NFATC1: variants seen among roughly 807,000 people sequenced by gnomAD.
NFATC1 encodes the protein nuclear factor of activated T-cells, cytoplasmic 1.
Under a neutral mutation model 76.0 loss-of-function variants are expected in NFATC1, and 22 were observed. That is an observed-to-expected ratio of 0.29 (90% CI 0.21 to 0.41). The LOEUF is 0.41. Ranked by LOEUF, NFATC1 falls within the 10% of genes least tolerant of loss-of-function variation. The pLI, the probability that NFATC1 is intolerant of heterozygous loss-of-function variation, is 1.00. For synonymous variants in NFATC1, 704 were observed against 613.1 expected, an observed-to-expected ratio of 1.15 and a Z score of -2.19; for missense variants, 1,357 against 1,337.7, an observed-to-expected ratio of 1.01 and a Z score of -0.23.
intron 1 of NFATC1, 72 bp downstream of exon 1, chr18:79,396,423 C>T (rs969267135): frequency 1.2e-4 from 116 of 998,374 alleles, no homozygotes; most frequent in Non-Finnish European, 1.4e-4. Flanking sequence ...CCCGACCCCG[C>T]CCCCGTCGCC....
chr18:79,490,232 G>A (rs868162615), intron 9 of NFATC1, among the ~76,000 whole-genome samples: 2 of 152,184 alleles, frequency 1.3e-5, no homozygotes, highest in African/African-American at 2.4e-5. Flanking sequence ...TGGTGCAGGT[G>A]GGGTAGTGTC....
At chr18:79,520,531 T>TGG (rs771400789) in intron 9 of NFATC1, among the ~76,000 whole-genome samples, 3 of 141,602 alleles carry the variant, frequency 2.1e-5, no homozygotes, top group African/African-American at 8.0e-5. Flanking sequence ...ACTCTGTGTG[T>TGG]GGGGGGGGGA....
At chr18:79,481,179 T>C (rs1239522585) in intron 8 of NFATC1, among the ~76,000 whole-genome samples, 1 of 152,218 alleles carries the variant, frequency 6.6e-6, no homozygotes, top group African/African-American at 2.4e-5. Flanking sequence ...TGTCGTGGAC[T>C]CATCATTTCT....
chr18:79,527,488 G>C (rs187469829), intron 9 of NFATC1, 40 bp from the exon 10 acceptor site: 3 of 1,548,530 alleles, frequency 1.9e-6, no homozygotes, highest in Admixed American at 1.7e-5. Flanking sequence ...GATGTTTATG[G>C]TATTTCTCTA....
rs144894927 is a variant in NFATC1 at position 79,411,373 on chromosome 18, C to A, written c.1098C>A (p.Phe366Leu). 7 of 1,585,868 alleles carry A rather than the reference C, an allele frequency of 4.4e-6. No homozygotes were observed. The African/African-American group carries it at 9.5e-5, about 21-fold the overall frequency. The change falls in exon 2 of 10, where the codon TTC (phenylalanine) becomes TTA (leucine). Residue 366 changes from phenylalanine (F) to leucine (L), a missense_variant. Around this residue, in one of 3 missense-constraint regions of NFATC1, gnomAD observed 691 missense variants for 613.1 expected, o/e 1.13. Transcript: ENST00000427363. ...DLGSPPPPAD[F>L]APEDYSSFQH... ...GCAGCCCCCCGCCCCCGGCCGACTTCGCGCCCGAAGACTACTCCTCTTTCC... is the reference window on the plus strand; with the variant it reads ...GCAGCCCCCCGCCCCCGGCCGACTTAGCGCCCGAAGACTACTCCTCTTTCC...
At chr18:79,467,304 CGCGGGGTTGCCGTGTGGCCGCCGTGG>C in intron 7 of NFATC1, 120 bp from the exon 8 acceptor site, 1 of 725,558 alleles carries the variant, frequency 1.4e-6, no homozygotes, top group Admixed American at 2.8e-5. Flanking sequence ...GCCGTGGAAA[CGCGGGGTTGCCGTGTGGCCGCCGTGG>C]AAACGCGGGG....
intron 2 of NFATC1, among the ~76,000 whole-genome samples, chr18:79,430,452 G>A (rs956011771): frequency 5.3e-5 from 8 of 152,060 alleles, no homozygotes; most frequent in African/African-American, 1.4e-4. Flanking sequence ...GTGCAATTTC[G>A]GCTCACTGCA....
Position 79,529,306 on chromosome 18 carries a change from C to A in NFATC1, c.*1729C>A, listed in dbSNP as rs2090844113. 1 of 152,216 alleles carries A rather than the reference C, an allele frequency of 6.6e-6. No homozygotes were observed. Among genetic ancestry groups the A allele is most frequent in the Admixed American group, 6.5e-5 (1 of 15,280 alleles). 9.4% of individuals were successfully genotyped at this position (152,216 alleles called of 1,614,324 possible). A position where few individuals can be genotyped will look rare whatever the true frequency, so the allele number is the denominator to read the frequency against. ...TAGTTAGGAAATAGATCCAATAAAGCCGTATTTTTTTGCTGGACAGGCGTA... is the reference window on the plus strand; with the variant it reads ...TAGTTAGGAAATAGATCCAATAAAGACGTATTTTTTTGCTGGACAGGCGTA... On this transcript the variant is annotated 3_prime_UTR_variant, in exon 10 of 10. Coordinates refer to ENST00000427363, the MANE Select transcript of NFATC1 (RefSeq NM_001278669.2).
chr18:79,416,773 C>T (rs553926906), intron 2 of NFATC1, among the ~76,000 whole-genome samples: 12 of 152,362 alleles, frequency 7.9e-5, no homozygotes, highest in African/African-American at 2.4e-4. Flanking sequence ...CAGCCAGCCT[C>T]GAAGCCACGT....
chr18:79,521,200 A>C (rs1294661951), intron 9 of NFATC1, among the ~76,000 whole-genome samples: 10 of 59,876 alleles, frequency 1.7e-4, no homozygotes, highest in African/African-American at 2.7e-4. Flanking sequence ...TGGGGGCATC[A>C]GCTGATATGT....
At chr18:79,442,692 G>A (rs374667593) in intron 3 of NFATC1, among the ~76,000 whole-genome samples, 2 of 152,176 alleles carry the variant, frequency 1.3e-5, no homozygotes, top group African/African-American at 2.4e-5. Flanking sequence ...ACGTGCTCAC[G>A]CTGGGTCCCT....
chr18:79,520,971 G>T (rs2090533817), intron 9 of NFATC1, among the ~76,000 whole-genome samples: 1 of 103,408 alleles, frequency 9.7e-6, no homozygotes, highest in African/African-American at 3.8e-5. Context: ...GTGTGGGGGG[G>T]CATCCGCTGA....
chr18:79,401,003 C>CAGCTTTCA (rs1474736957), intron 1 of NFATC1, among the ~76,000 whole-genome samples: 2 of 120,400 alleles, frequency 1.7e-5, no homozygotes, highest in Admixed American at 8.6e-5. Context: ...CCCAAGCCTC[C>CAGCTTTCA]AGCTTTCAAG....
At chr18:79,458,806 G>T (rs554595060) in intron 6 of NFATC1, among the ~76,000 whole-genome samples, 17 of 152,260 alleles carry the variant, frequency 1.1e-4, no homozygotes, top group African/African-American at 3.9e-4. Context: ...CCGGCGGGAC[G>T]CGGCCCTGCG....
In NFATC1 at chr18:79,425,271, C is replaced by CTG. The variant is rs369671651; in HGVS notation, c.1227-8307_1227-8306insGT. 4.5e-3 allele frequency among the ~76,000 whole-genome samples: 499 copies of CTG among 111,582 alleles called. 20 individuals carry two copies. Among genetic ancestry groups the CTG allele is most frequent in the Middle Eastern group, 8.0e-3 (2 of 250 alleles). 73.2% of individuals were successfully genotyped at this position (111,582 alleles called of 152,430 possible). Reference sequence around the variant, plus strand: ...TCTGTTTCTCTCCCTGTCTCTGTCTCTCTCTCTGTCTGTCTTTCTTTCTTA... The same window carrying CTG: ...TCTGTTTCTCTCCCTGTCTCTGTCTCTGTCTCTCTGTCTGTCTTTCTTTCTTA... On this transcript the variant is annotated intron_variant, in intron 2 of 9. Transcript: ENST00000427363.
chr18:79,407,440 T>C (rs1286229998), intron 1 of NFATC1, among the ~76,000 whole-genome samples: 1 of 151,870 alleles, frequency 6.6e-6, no homozygotes, highest in East Asian at 1.9e-4. Context: ...AAAGACCTCC[T>C]TATTGATTTA....
At chr18:79,511,294 C>G (rs943813570) in intron 9 of NFATC1, among the ~76,000 whole-genome samples, 1 of 152,140 alleles carries the variant, frequency 6.6e-6, no homozygotes, top group Non-Finnish European at 1.5e-5. Flanking sequence ...GATTACAAGG[C>G]CCGACTCTGC....
In NFATC1 at chr18:79,449,511, G is replaced by T. The variant is rs549385888; in HGVS notation, c.1589+527G>T. Among the ~76,000 whole-genome samples the T allele has an allele frequency of 5.9e-5, 9 of 152,246 alleles. No individual in the cohort carries two copies. The South Asian group carries it at 1.0e-3, about 18-fold the overall frequency. ...CTTAATCCTAGCTTGTGCTGGGCAC[G>T]CTGGCCCTAACCTGTGAAGGCAGCC... is the stretch of plus-strand genomic sequence containing the variant. On this transcript the variant is annotated intron_variant, in intron 4 of 9. Transcript: ENST00000427363.
Position 79,411,330 on chromosome 18 carries a change from C to T in NFATC1, c.1055C>T (p.Pro352Leu). 1 of 1,599,728 alleles carries T rather than the reference C, an allele frequency of 6.3e-7. No homozygotes were observed. The highest frequency in any genetic ancestry group is 8.5e-7 in the Non-Finnish European group (1 of 1,175,020). The change falls in exon 2 of 10, where the codon CCC (proline) becomes CTC (leucine). Residue 352 changes from proline to leucine, a missense_variant. Transcript: ENST00000427363. ...CCCTCAGTGGCGCTCAAGGTGGAGCCCGTCGGGGAGGACCTGGGCAGCCCC... is the reference window on the plus strand; with the variant it reads ...CCCTCAGTGGCGCTCAAGGTGGAGCTCGTCGGGGAGGACCTGGGCAGCCCC... Reference protein sequence around the residue: ...QPPSVALKVEPVGEDLGSPPP... With the variant: ...QPPSVALKVELVGEDLGSPPP...
Sources: allele counts gnomAD v4.1 joint callset (sites outside exome capture counted in the v4.1 genomes callset), GRCh38; gene constraint gnomAD v4.1.1; regional missense constraint gnomAD v4.1.1; transcripts MANE v1.5; gene names NCBI Gene and HGNC (gene_info 2026-07-23, HGNC 2026-07-21).